Variants in SLC35F4 observed in about 807,000 individuals in gnomAD.
SLC35F4 encodes the protein solute carrier family 35 member F4.
A neutral mutation model predicts 44.2 loss-of-function variants in SLC35F4; 24 were observed. The ratio of observed to expected loss-of-function variants is 0.54; its 90% confidence interval spans 0.39 to 0.76. The LOEUF (loss-of-function observed/expected upper bound fraction) is 0.76. Among genes scored for constraint, SLC35F4 ranks in the 30% least tolerant of loss-of-function variants. SLC35F4 has a pLI of 0.00. For synonymous variants in SLC35F4, 238 were observed against 223.6 expected, an observed-to-expected ratio of 1.06 and a Z score of -0.57; for missense variants, 562 against 586.1, an observed-to-expected ratio of 0.96 and a Z score of 0.42.
In SLC35F4 at chr14:57,681,341, C is replaced by T. The variant is rs554688873; in HGVS notation, c.104-87217G>A. ...CATATGCAGAAAGCTGAAACTGGAT[C>T]CCTTCCTTACACCTTATACGTAAAT... On this transcript the variant is annotated intron_variant, in intron 1 of 7. Coordinates refer to ENST00000556826, the MANE Select transcript of SLC35F4 (RefSeq NM_001306087.2). Among the ~76,000 whole-genome samples the T allele has an allele frequency of 2.6e-5, 4 of 152,198 alleles. No homozygotes were observed. In the South Asian group the frequency reaches 8.3e-4, roughly 31 times the overall value.
chr14:57,800,727 G>C (rs1415444791), intron 1 of SLC35F4, among the ~76,000 whole-genome samples: 1 of 151,958 alleles, frequency 6.6e-6, no homozygotes, highest in Non-Finnish European at 1.5e-5. Flanking sequence ...GCAATCACAA[G>C]TATCAATAGT....
intron 1 of SLC35F4, among the ~76,000 whole-genome samples, chr14:57,628,097 C>T (rs1464651164): frequency 6.6e-6 from 1 of 151,946 alleles, no homozygotes; most frequent in Non-Finnish European, 1.5e-5. Flanking sequence ...TGTCTACGTA[C>T]ATTTTTGGTA....
At chr14:57,602,432 G>A (rs997937836) in intron 1 of SLC35F4, 2 of 152,166 alleles carry the variant, frequency 1.3e-5, no homozygotes, top group Admixed American at 6.5e-5. Context: ...TAACTATTTG[G>A]AAGTTGTTAA....
chr14:57,941,624 G>T (rs1213727319), intron 1 of SLC35F4, among the ~76,000 whole-genome samples: 1 of 151,978 alleles, frequency 6.6e-6, no homozygotes, highest in African/African-American at 2.4e-5. Flanking sequence ...GGTAGTAGTT[G>T]TTCAATATCA....
chr14:57,705,859 C>T (rs149514027), intron 1 of SLC35F4, among the ~76,000 whole-genome samples: 1 of 152,074 alleles, frequency 6.6e-6, no homozygotes, highest in African/African-American at 2.4e-5. Flanking sequence ...GATGTTTCCT[C>T]GAAGTTAGTT....
At chr14:57,619,020 A>C (rs2072023075) in intron 1 of SLC35F4, among the ~76,000 whole-genome samples, 1 of 152,128 alleles carries the variant, frequency 6.6e-6, no homozygotes, top group Admixed American at 6.5e-5. Context: ...GGCATCACCG[A>C]AAAAAAGGCG....
intron 1 of SLC35F4, among the ~76,000 whole-genome samples, chr14:57,936,913 GCCAGCTT>G (rs1889807166): frequency 6.6e-6 from 1 of 152,120 alleles, no homozygotes; most frequent in Non-Finnish European, 1.5e-5. Flanking sequence ...AAATGATCAA[GCCAGCTT>G]ATCCAAAAGG....
chr14:57,684,330 C>CT (rs1240078383), intron 1 of SLC35F4, among the ~76,000 whole-genome samples: 9 of 152,174 alleles, frequency 5.9e-5, no homozygotes, highest in Admixed American at 5.9e-4. Flanking sequence ...AGTCCCCACA[C>CT]TTTTTGGCAC....
intron 1 of SLC35F4, among the ~76,000 whole-genome samples, chr14:57,816,096 T>C (rs1595131149): frequency 2.0e-5 from 3 of 152,166 alleles, no homozygotes; most frequent in Non-Finnish European, 1.5e-5. Context: ...CATTTTATAT[T>C]GTCTCTGAGT....
chr14:57,596,585 A>G (rs1440753673), intron 1 of SLC35F4: 3 of 399,900 alleles, frequency 7.5e-6, no homozygotes, highest in Non-Finnish European at 1.5e-5. Context: ...CCAATATTCC[A>G]TTTCCAATCC....
At chr14:57,953,703 T>C (rs900657839) in intron 1 of SLC35F4, among the ~76,000 whole-genome samples, 135 of 152,134 alleles carry the variant, frequency 8.9e-4, no homozygotes, top group African/African-American at 3.2e-3. Flanking sequence ...ATTGTAAAGG[T>C]ATCAATGCAA....
At chr14:57,914,164 G>A (rs1431111498) in intron 1 of SLC35F4, among the ~76,000 whole-genome samples, 1 of 152,216 alleles carries the variant, frequency 6.6e-6, no homozygotes, top group East Asian at 1.9e-4. Flanking sequence ...AGACTGGGAA[G>A]TATAGCACCA....
intron 1 of SLC35F4, among the ~76,000 whole-genome samples, chr14:57,850,485 T>C (rs893705838): frequency 6.6e-6 from 1 of 152,216 alleles, no homozygotes; most frequent in South Asian, 2.1e-4. Flanking sequence ...GAAACCATGA[T>C]TGAAATCTTT....
At chr14:57,582,343 G>A (rs1432280114) in intron 3 of SLC35F4, among the ~76,000 whole-genome samples, 2 of 151,992 alleles carry the variant, frequency 1.3e-5, no homozygotes, top group African/African-American at 2.4e-5. Context: ...CTACAGGCAC[G>A]CACCACCATG....
In SLC35F4 at chr14:57,949,349, C is replaced by T. The variant is rs113076489; in HGVS notation, n.282+32564G>A. ...TTTGTCTGACATAAGAATAGCTAAT[C>T]CTGCTCACTTTTGGTGGCTGTTTGC... On this transcript the variant is annotated intron_variant and non_coding_transcript_variant, in intron 1 of 1. Transcript: ENST00000556568. 1.7e-3 allele frequency among the ~76,000 whole-genome samples: 264 copies of T among 152,282 alleles called. 2 individuals carry two copies. Among genetic ancestry groups the T allele is most frequent in the Non-Finnish European group, 3.4e-3 (232 of 67,994 alleles).
chr14:57,591,429 A>G (rs185033485), intron 2 of SLC35F4, among the ~76,000 whole-genome samples: 5 of 152,344 alleles, frequency 3.3e-5, no homozygotes, highest in Admixed American at 6.5e-5. Flanking sequence ...AATTTCCTCC[A>G]TGACCATGTG....
Position 57,865,927 on chromosome 14 carries a change from G to C in SLC35F4, c.-102C>G, listed in dbSNP as rs1190502798. The C allele has an allele frequency of 5.8e-6, 4 of 694,910 alleles. No homozygotes were observed. Among genetic ancestry groups the C allele is most frequent in the Non-Finnish European group, 8.7e-6 (4 of 462,170 alleles). The allele number at this position is 694,910 out of a possible 1,614,324, so 43.0% of individuals were successfully genotyped here. A position where few individuals can be genotyped will look rare whatever the true frequency, so the allele number is the denominator to read the frequency against. ...CGGAGCCGCTGGTGCTGATCTTGCA[G>C]CTCCTGCTCCCGCGCCCGGGCTCTG... On this transcript the variant is annotated 5_prime_UTR_variant, in exon 1 of 8. Transcript: ENST00000556826.
intron 1 of SLC35F4, among the ~76,000 whole-genome samples, chr14:57,858,168 T>A (rs1006006366): frequency 1.6e-4 from 24 of 152,142 alleles, no homozygotes; most frequent in African/African-American, 5.8e-4. Context: ...GACCCAGCCA[T>A]CCCATTACTG....
intron 1 of SLC35F4, among the ~76,000 whole-genome samples, chr14:57,964,317 G>A (rs1890393726): frequency 6.6e-6 from 1 of 152,038 alleles, no homozygotes; most frequent in Non-Finnish European, 1.5e-5. Flanking sequence ...ATCAGAATAG[G>A]AGGAAGACAC....
Sources: gnomAD v4.1 joint callset for allele counts (sites outside exome capture counted in the v4.1 genomes callset) on GRCh38, gnomAD v4.1.1 for gene constraint, MANE v1.5 for transcripts, NCBI Gene and HGNC (gene_info 2026-07-23, HGNC 2026-07-21) for gene names.